PKLR: variants seen among roughly 807,000 people sequenced by gnomAD.
PKLR encodes pyruvate kinase PKLR.
Under a neutral mutation model 53.6 loss-of-function variants are expected in PKLR, and 38 were observed. The ratio of observed to expected loss-of-function variants is 0.71; its 90% CI spans 0.55 to 0.93. PKLR has a LOEUF of 0.93. PKLR is among the 40% of genes least tolerant of loss of function. The pLI is 0.00. For missense variants in PKLR, 702 were observed against 787.3 expected, an observed-to-expected ratio of 0.89 and a Z score of 1.30; for synonymous variants, 328 against 316.2, an observed-to-expected ratio of 1.04 and a Z score of -0.39.
intron 1 of PKLR, among the ~76,000 whole-genome samples, chr1:155,300,604 C>T (rs928357816): frequency 6.6e-6 from 1 of 152,092 alleles, no homozygotes; most frequent in African/African-American, 2.4e-5. Context: ...ATACTGACCC[C>T]GCACAACCCA....
chr1:155,307,272 A>G, the PKLR span, among the ~76,000 whole-genome samples: 1 of 152,180 alleles, frequency 6.6e-6, no homozygotes, highest in African/African-American at 2.4e-5. Flanking sequence ...CACCGGTGAC[A>G]GTACCTTATA....
chr1:155,295,339 C>A lies in PKLR; in HGVS notation c.508-37G>T. The A allele has an allele frequency of 6.2e-7, 1 of 1,613,464 alleles. No individual in the cohort carries two copies. Among genetic ancestry groups the A allele is most frequent in the Non-Finnish European group, 8.5e-7 (1 of 1,179,672 alleles). On this transcript the variant is annotated intron_variant, in intron 4 of 10. Coordinates refer to ENST00000342741, the MANE Select transcript of PKLR (RefSeq NM_000298.6). The surrounding 1 kb of genome is among the most constrained non-coding windows in gnomAD (Gnocchi z 4.3). Reference sequence around the variant, plus strand: ...GCCAGAGGAGATGTGAGTTCTGAGCCCCGGAGTCCGGGACCCGCCCCTGCC... The same window carrying A: ...GCCAGAGGAGATGTGAGTTCTGAGCACCGGAGTCCGGGACCCGCCCCTGCC...
upstream of PKLR, among the ~76,000 whole-genome samples, chr1:155,301,642 TA>T (rs141119689): frequency 0.043 from 6,584 of 152,114 alleles, 202 homozygotes; most frequent in Non-Finnish European, 0.066. Flanking sequence ...CGTGAATAGA[TA>T]TTTTTTTTTT....
chr1:155,298,955 T>C (rs565903017), intron 2 of PKLR, among the ~76,000 whole-genome samples: 14 of 21,872 alleles, frequency 6.4e-4, no homozygotes, highest in Non-Finnish European at 8.9e-4. Context: ...CTTTCACTCC[T>C]TTCTTTCTTT....
At chr1:155,303,849 T>C (rs1648157539), upstream of PKLR, among the ~76,000 whole-genome samples, 2 of 152,144 alleles carry the variant, frequency 1.3e-5, no homozygotes, top group Non-Finnish European at 2.9e-5. Flanking sequence ...GAAGTGATTA[T>C]TTTGAAGCTG....
intron 10 of PKLR, 62 bp downstream of exon 10, chr1:155,291,694 G>T: frequency 6.7e-7 from 1 of 1,486,250 alleles, no homozygotes; most frequent in Non-Finnish European, 9.4e-7. Flanking sequence ...GGTATGGGAA[G>T]CTGGGTTGGG....
chr1:155,301,025 T>C lies in PKLR; in HGVS notation c.100+271A>G, dbSNP rs772996035. On this transcript the variant is annotated intron_variant, in intron 1 of 10. Transcript: ENST00000342741. ...GTGTCACCACTGTCTCCTGTTCCAT[T>C]GGAAGCCCTGTATGCCAGGGGCCAG... 53 of 1,547,756 alleles carry C rather than the reference T, an allele frequency of 3.4e-5. 1 individual carries two copies. Among genetic ancestry groups the C allele is most frequent in the Non-Finnish European group, 3.7e-5 (42 of 1,144,426 alleles).
intron 2 of PKLR, among the ~76,000 whole-genome samples, chr1:155,299,426 C>A (rs867245085): frequency 1.3e-5 from 2 of 148,402 alleles, no homozygotes; most frequent in Middle Eastern, 3.5e-3. Context: ...TGGGCTCAAG[C>A]GATCTGCCAA....
chr1:155,306,879 G>C, the PKLR span, among the ~76,000 whole-genome samples: 1 of 152,092 alleles, frequency 6.6e-6, no homozygotes, highest in African/African-American at 2.4e-5. The surrounding 1 kb of genome is among the most constrained non-coding windows in gnomAD (Gnocchi z 4.2). Context: ...GGTCTTGCTG[G>C]CTCATGAGTG....
rs549295725 is a variant in PKLR, at chr1:155,294,489, C to G, written c.958G>C (p.Val320Leu). 9 of 1,614,240 alleles carry G rather than the reference C, an allele frequency of 5.6e-6. No individual in the cohort carries two copies. Among genetic ancestry groups the G allele is most frequent in the East Asian group, 4.5e-5 (2 of 44,890 alleles). Residue 320 changes from valine to leucine, a missense_variant, in exon 6 of 11, where the codon GTG becomes CTG. This residue lies in a region of PKLR where 519 missense variants were observed against 537.1 expected (regional missense o/e 0.97). Transcript: ENST00000342741. ...IISKIENHEG[V>L]KRFDEILEVS... is the part of the protein sequence containing the mutation. ...ACAGAGCCCAAGCCTCACCTCTTCA[C>G]GCCTTCGTGGTTCTCAATTTTGCTG...
rs1240858486 is a variant in PKLR, at chr1:155,295,668, G to T, written c.372C>A (p.His124Gln). Reference protein sequence around the residue: ...IARLNFSHGSHEYHAESIANV... With the variant: ...IARLNFSHGSQEYHAESIANV... ...TGCCCGGCGGCCCGTCCCGCACCTC[G>T]TGGGAGCCGTGGGAGAAGTTGAGTC... Residue 124 changes from histidine (H) to glutamine (Q), a missense_variant, in exon 3 of 11, where the codon CAC becomes CAA. Physicochemically the swap from His to Gln is conservative, Grantham distance 24. Around this residue, in one of 2 missense-constraint regions of PKLR, gnomAD observed 519 missense variants for 537.1 expected, o/e 0.97. Transcript: ENST00000342741. The surrounding 1 kb of genome is among the most constrained non-coding windows in gnomAD (Gnocchi z 4.3). 1.9e-6 allele frequency: 3 copies of T among 1,614,058 alleles called. No homozygotes were observed. The highest frequency in any genetic ancestry group is 1.7e-5 in the Admixed American group (1 of 60,032).
Position 155,295,442 on chromosome 1 carries a change from G to C in PKLR, c.502C>G (p.Gln168Glu), listed in dbSNP as rs1647526577. The change falls in exon 4 of 11, where the codon CAG becomes GAG. Residue 168 changes from glutamine to glutamate, a missense_variant. This residue lies in a region of PKLR where 519 missense variants were observed against 537.1 expected (regional missense o/e 0.97). Coordinates refer to ENST00000342741, the MANE Select transcript of PKLR (RefSeq NM_000298.6). The surrounding 1 kb of genome is among the most constrained non-coding windows in gnomAD (Gnocchi z 4.3). ...KGPEIRTGILQGGPESEVELV... is the reference protein window; with the variant it reads ...KGPEIRTGILEGGPESEVELV... ...GTCCCAGCCCCACTGCTCACCCCCT[G>C]CAGGATCCCAGTGCGGATCTCCGGT... The C allele has an allele frequency of 6.2e-7, 1 of 1,609,552 alleles. No homozygotes were observed. Among genetic ancestry groups the C allele is most frequent in the African/African-American group, 1.3e-5 (1 of 74,942 alleles).
intron 10 of PKLR, among the ~76,000 whole-genome samples, chr1:155,290,989 AAATAATAATAATAATAATAAT>A (rs201306934): frequency 0.022 from 2,995 of 134,124 alleles, 117 homozygotes; most frequent in African/African-American, 0.077. Flanking sequence ...CTCCATCTCA[AAATAATAATAATAATAATAAT>A]AATAATAATA....
At chr1:155,297,708 A>G (rs1647675642) in intron 2 of PKLR, among the ~76,000 whole-genome samples, 1 of 152,064 alleles carries the variant, frequency 6.6e-6, no homozygotes, top group Non-Finnish European at 1.5e-5. Context: ...ACGCAACTCA[A>G]ATTCTAAAAA....
rs1647508680 is a variant in PKLR, at chr1:155,295,316, C to T, written c.508-14G>A. 6.2e-7 allele frequency: 1 copy of T among 1,613,856 alleles called. No individual in the cohort carries two copies. Among genetic ancestry groups the T allele is most frequent in the Non-Finnish European group, 8.5e-7 (1 of 1,179,882 alleles). On this transcript the variant is annotated splice_polypyrimidine_tract_variant and intron_variant, in intron 4 of 10. Coordinates refer to ENST00000342741, the MANE Select transcript of PKLR (RefSeq NM_000298.6). This position sits in a 1 kb window ranked among gnomAD's most constrained non-coding sequence, Gnocchi z 4.3. ...CGACTCTGGACCCTAAGGAGGGAGC[C>T]AGAGGAGATGTGAGTTCTGAGCCCC...
intron 2 of PKLR, among the ~76,000 whole-genome samples, chr1:155,299,753 A>C (rs970392965): frequency 7.9e-5 from 12 of 151,250 alleles, no homozygotes; most frequent in African/African-American, 2.9e-4. Context: ...TGATCTGCCC[A>C]CCTGGGCCTC....
chr1:155,299,575 C>T (rs939791133), intron 2 of PKLR, among the ~76,000 whole-genome samples: 1 of 122,528 alleles, frequency 8.2e-6, no homozygotes, highest in African/African-American at 3.2e-5. Flanking sequence ...GGTGTGATCT[C>T]GGCTCACCAC....
At position 155,293,927 on chromosome 1, in the gene PKLR, G is replaced by T. The variant is rs1280358742; in HGVS notation, c.1116+308C>A. On this transcript the variant is annotated intron_variant, in intron 7 of 10. Coordinates refer to ENST00000342741, the MANE Select transcript of PKLR (RefSeq NM_000298.6). The surrounding 1 kb of genome is among the most constrained non-coding windows in gnomAD (Gnocchi z 4.2). ...GCGAGTAGATCACCTGAGGTCAGGA[G>T]TTCGAGACCAGTCTGGCCAACATGG... Among the ~76,000 whole-genome samples the T allele has an allele frequency of 1.3e-5, 2 of 152,192 alleles. No homozygotes were observed. Among genetic ancestry groups the T allele is most frequent in the Non-Finnish European group, 2.9e-5 (2 of 68,026 alleles).
chr1:155,291,723 G>A (rs564550157), intron 10 of PKLR, 33 bp downstream of exon 10: 3 of 1,599,544 alleles, frequency 1.9e-6, no homozygotes, highest in Non-Finnish European at 1.7e-6. Flanking sequence ...GATACAAATG[G>A]TAGGAGTGGC....
Sources: allele counts gnomAD v4.1 joint callset (sites outside exome capture counted in the v4.1 genomes callset), GRCh38; gene constraint gnomAD v4.1.1; regional missense constraint gnomAD v4.1.1; non-coding constraint Gnocchi (gnomAD v3.1); transcripts MANE v1.5; gene names NCBI Gene and HGNC (gene_info 2026-07-23, HGNC 2026-07-21).